The following KCNAB1 variants were observed in gnomAD, a reference collection of about 807,000 sequenced individuals.
The protein encoded by KCNAB1 is voltage-gated potassium channel subunit beta-1.
Under a neutral mutation model 64.6 loss-of-function variants are expected in KCNAB1, and 35 were observed. That is an observed-to-expected ratio of 0.54 (90% CI 0.41 to 0.72). The LOEUF is 0.72. Among genes scored for constraint, KCNAB1 ranks in the 30% least tolerant of loss-of-function variants. KCNAB1 has a pLI of 0.00. For missense variants in KCNAB1, 401 were observed against 512.9 expected (o/e 0.78, Z 2.11); for synonymous variants, 177 against 183.8 (o/e 0.96, Z 0.30).
At chr3:156,203,573 A>G (rs946266287) in intron 1 of KCNAB1, among the ~76,000 whole-genome samples, 7 of 152,242 alleles carry the variant, frequency 4.6e-5, no homozygotes, top group Admixed American at 6.5e-5. Context: ...ATACGTTAAC[A>G]CATGTTCAAA....
At chr3:156,312,247 G>A (rs988965151) in intron 1 of KCNAB1, among the ~76,000 whole-genome samples, 1 of 152,164 alleles carries the variant, frequency 6.6e-6, no homozygotes, top group African/African-American at 2.4e-5. Context: ...CATCACCTCT[G>A]GTGGAAGACA....
intron 1 of KCNAB1, among the ~76,000 whole-genome samples, chr3:156,299,280 A>G (rs905939072): frequency 1.3e-5 from 2 of 152,268 alleles, no homozygotes; most frequent in Non-Finnish European, 2.9e-5. Flanking sequence ...TTGCAGCCCA[A>G]GCTTTTATCT....
intron 1 of KCNAB1, among the ~76,000 whole-genome samples, chr3:156,366,482 G>A (rs534078391): frequency 6.6e-6 from 1 of 152,302 alleles, no homozygotes; most frequent in East Asian, 1.9e-4. Context: ...AGAAAATAGA[G>A]GACAGAATTT....
intron 1 of KCNAB1, among the ~76,000 whole-genome samples, chr3:156,266,817 T>C (rs11706532): frequency 0.17 from 25,367 of 152,112 alleles, 2,305 homozygotes; most frequent in African/African-American, 0.2. Flanking sequence ...GGATAGTCTG[T>C]CCCCAGATGC....
rs1046336462 is a variant in KCNAB1 at position 156,252,668 on chromosome 3, C to G, written c.275+131782C>G. On this transcript the variant is annotated intron_variant, in intron 1 of 13. Transcript: ENST00000490337. The stretch of plus-strand genomic sequence containing the variant: ...ACTTTAAATATATAGGAAGAAATAC[C>G]CACAGTGATAAGGTGACTGTGGGAA... Among the ~76,000 whole-genome samples the G allele has an allele frequency of 1.2e-4, 18 of 152,154 alleles. 1 individual carries two copies. The highest frequency in any genetic ancestry group is 2.1e-4 in the South Asian group (1 of 4,812).
chr3:156,230,755 CCTCT>C (rs1187872510), intron 1 of KCNAB1, among the ~76,000 whole-genome samples: 1 of 152,150 alleles, frequency 6.6e-6, no homozygotes, highest in African/African-American at 2.4e-5. Context: ...GAAGTCAGAA[CCTCT>C]CTGATCTAAG....
chr3:156,348,147 A>C (rs1463128628), intron 1 of KCNAB1, among the ~76,000 whole-genome samples: 1 of 152,140 alleles, frequency 6.6e-6, no homozygotes, highest in Non-Finnish European at 1.5e-5. Context: ...GTCACAAGAG[A>C]GTGGCTTTTA....
intron 1 of KCNAB1, among the ~76,000 whole-genome samples, chr3:156,333,474 A>C (rs745856860): frequency 2.0e-5 from 3 of 151,998 alleles, no homozygotes; most frequent in Non-Finnish European, 4.4e-5. Flanking sequence ...GTATTGCTTC[A>C]TTTGTTTTAG....
rs146763261 is a variant in KCNAB1 at position 156,191,599 on chromosome 3, T to C, written c.275+70713T>C. Among the ~76,000 whole-genome samples, 18 of 152,292 alleles carry C rather than the reference T, an allele frequency of 1.2e-4. No homozygotes were observed. The East Asian group carries it at 3.5e-3, about 29-fold the overall frequency. Reference sequence around the variant, plus strand: ...TGTCACAGAGGGGCTCAGTCAGAAGTTGACAAAATGTGCCCGGGTTCTTAC... The same window carrying C: ...TGTCACAGAGGGGCTCAGTCAGAAGCTGACAAAATGTGCCCGGGTTCTTAC... On this transcript the variant is annotated intron_variant, in intron 1 of 13. Transcript: ENST00000490337.
At chr3:156,245,172 A>T (rs755501708) in intron 1 of KCNAB1, among the ~76,000 whole-genome samples, 1 of 152,214 alleles carries the variant, frequency 6.6e-6, no homozygotes, top group Non-Finnish European at 1.5e-5. Context: ...CCTTCCTGCC[A>T]TCTTAGAATT....
At position 156,441,694 on chromosome 3, in the gene KCNAB1, T is replaced by C. The variant is rs550049701; in HGVS notation, c.320-11205T>C. Among the ~76,000 whole-genome samples, 27 of 152,300 alleles carry C rather than the reference T, an allele frequency of 1.8e-4. No individual in the cohort carries two copies. The South Asian group carries it at 5.4e-3, about 30-fold the overall frequency. On this transcript the variant is annotated intron_variant, in intron 2 of 13. Coordinates refer to ENST00000490337, the MANE Select transcript of KCNAB1 (RefSeq NM_172160.3). ...ATCTACATTAACTACTGGATACATT[T>C]ACTACAGGAGTTCTTCAAAAAGCAA...
At chr3:156,267,018 T>C (rs563397688) in intron 1 of KCNAB1, among the ~76,000 whole-genome samples, 2 of 152,030 alleles carry the variant, frequency 1.3e-5, no homozygotes, top group East Asian at 3.9e-4. Context: ...AAAAGTGATA[T>C]GTACTCAAGC....
chr3:156,476,377 A>G (rs1285254815), intron 8 of KCNAB1, among the ~76,000 whole-genome samples: 1 of 152,094 alleles, frequency 6.6e-6, no homozygotes, highest in African/African-American at 2.4e-5. Flanking sequence ...GTTCTCACAT[A>G]TCGGTGAGAA....
At position 156,419,223 on chromosome 3, in the gene KCNAB1, C is replaced by T. The variant is rs533518316; in HGVS notation, c.276-2393C>T. Among the ~76,000 whole-genome samples, 20 of 152,276 alleles carry T rather than the reference C, an allele frequency of 1.3e-4. No individual in the cohort carries two copies. In the South Asian group the frequency reaches 3.3e-3, roughly 25 times the overall value. ...TTTGTTAGAACAATCTCTGAACTAG[C>T]GGGGCACGGTGGCTCACGCCTGTAA... On this transcript the variant is annotated intron_variant, in intron 1 of 13. Transcript: ENST00000490337.
At position 156,538,482 on chromosome 3, in the gene KCNAB1, A is replaced by G. The variant is rs1719222389; in HGVS notation, c.*1735A>G. ...GGAAATTGATCATTTTCAGTTGTTC[A>G]TTGTGTATTCAATCCAGCGAACTGC... is the stretch of plus-strand genomic sequence containing the variant. On this transcript the variant is annotated 3_prime_UTR_variant, in exon 14 of 14. Transcript: ENST00000490337. The G allele has an allele frequency of 6.6e-6, 1 of 152,192 alleles. No individual in the cohort carries two copies. Among genetic ancestry groups the G allele is most frequent in the Non-Finnish European group, 1.5e-5 (1 of 68,024 alleles). The allele number at this position is 152,192 out of a possible 1,614,324, so 9.4% of individuals were successfully genotyped here.
chr3:156,438,873 G>T (rs1716780908), intron 2 of KCNAB1, among the ~76,000 whole-genome samples: 2 of 152,148 alleles, frequency 1.3e-5, no homozygotes, highest in Non-Finnish European at 2.9e-5. Context: ...AATTAGCTGG[G>T]CGTGGTGGCG....
intron 1 of KCNAB1, among the ~76,000 whole-genome samples, chr3:156,363,781 A>T (rs1414754227): frequency 1.3e-5 from 2 of 152,028 alleles, no homozygotes; most frequent in African/African-American, 4.8e-5. Flanking sequence ...TGGCCTCAGC[A>T]ATCTTATTTA....
chr3:156,231,292 TCATCA>T (rs1716505736), intron 1 of KCNAB1, among the ~76,000 whole-genome samples: 1 of 152,178 alleles, frequency 6.6e-6, no homozygotes, highest in African/African-American at 2.4e-5. Context: ...CCATAAATTC[TCATCA>T]GATGGGTTTT....
intron 8 of KCNAB1, among the ~76,000 whole-genome samples, chr3:156,510,249 C>A (rs2108383296): frequency 6.6e-6 from 1 of 152,348 alleles, no homozygotes; most frequent in East Asian, 1.9e-4. Flanking sequence ...CTCATTTCTG[C>A]TACACATCTC....
Sources: allele counts gnomAD v4.1 joint callset (sites outside exome capture counted in the v4.1 genomes callset), GRCh38; gene constraint gnomAD v4.1.1; transcripts MANE v1.5; gene names NCBI Gene and HGNC (gene_info 2026-07-23, HGNC 2026-07-21).